Variants in BACH2 observed in about 807,000 individuals in gnomAD.
BACH2 encodes transcription regulator protein BACH2.
Under a neutral mutation model 61.8 loss-of-function variants are expected in BACH2, and 5 were observed. That is an observed-to-expected ratio of 0.08 (90% confidence interval 0.04 to 0.17). The LOEUF (loss-of-function observed/expected upper bound fraction) is 0.17, where lower values mean the gene tolerates loss of function less well. Among genes scored for constraint, BACH2 ranks in the 10% least tolerant of loss-of-function variants. The probability of loss-of-function intolerance (pLI) is 1.00; values close to 1 mark genes in which losing one functional copy is unlikely to be tolerated. For missense variants in BACH2, 824 were observed against 1,091.1 expected, an observed-to-expected ratio of 0.76 and a Z score of 3.45; for synonymous variants, 446 against 440.1, an observed-to-expected ratio of 1.01 and a Z score of -0.17.
intron 5 of BACH2, among the ~76,000 whole-genome samples, chr6:90,087,765 G>A (rs1444726058): frequency 1.3e-5 from 2 of 151,772 alleles, no homozygotes; most frequent in African/African-American, 2.4e-5. Context: ...GTATACAGTA[G>A]GTGTGTATAT....
chr6:90,025,319 A>G (rs1365534946), intron 5 of BACH2, among the ~76,000 whole-genome samples: 1 of 152,126 alleles, frequency 6.6e-6, no homozygotes, highest in South Asian at 2.1e-4. Flanking sequence ...GTAACCCCCC[A>G]GTTAAGAGTA....
chr6:90,258,970 G>C (rs1771072462), intron 2 of BACH2, among the ~76,000 whole-genome samples: 1 of 152,136 alleles, frequency 6.6e-6, no homozygotes, highest in Non-Finnish European at 1.5e-5. Flanking sequence ...GGAATCTGCA[G>C]GGGCTTTTTT....
At chr6:90,186,777 GC>G (rs1768372236) in intron 4 of BACH2, among the ~76,000 whole-genome samples, 1 of 152,130 alleles carries the variant, frequency 6.6e-6, no homozygotes, top group East Asian at 1.9e-4. Flanking sequence ...ACTCAAAAGA[GC>G]TCTGGAAGGT....
At chr6:90,244,330 C>T (rs769661510) in intron 3 of BACH2, among the ~76,000 whole-genome samples, 49 of 152,304 alleles carry the variant, frequency 3.2e-4, no homozygotes, top group Admixed American at 4.6e-4. Flanking sequence ...TCAAGGGCTT[C>T]GCATACATGT....
chr6:90,204,448 T>C (rs1020983045), intron 4 of BACH2, among the ~76,000 whole-genome samples: 1 of 152,138 alleles, frequency 6.6e-6, no homozygotes, highest in African/African-American at 2.4e-5. Context: ...TGCTGACCTA[T>C]GAAGGTGACA....
chr6:90,078,846 C>G (rs939610666), intron 5 of BACH2, among the ~76,000 whole-genome samples: 2 of 152,146 alleles, frequency 1.3e-5, no homozygotes, highest in African/African-American at 4.8e-5. Flanking sequence ...AAGCTCTCAA[C>G]TCATTGTAAC....
intron 4 of BACH2, among the ~76,000 whole-genome samples, chr6:90,113,113 T>A (rs1231169028): frequency 6.6e-6 from 1 of 152,146 alleles, no homozygotes; most frequent in Admixed American, 6.5e-5. Context: ...AGCAAGTTCT[T>A]AGAGACCTAC....
At chr6:90,270,302 C>T (rs1479715787) in intron 2 of BACH2, among the ~76,000 whole-genome samples, 1 of 152,098 alleles carries the variant, frequency 6.6e-6, no homozygotes, top group African/African-American at 2.4e-5. Flanking sequence ...GGAATCTCCA[C>T]ACTGTTTTCC....
chr6:90,013,504 CTTTTTCT>C (rs1157731976), intron 5 of BACH2, among the ~76,000 whole-genome samples: 39 of 119,446 alleles, frequency 3.3e-4, no homozygotes, highest in Non-Finnish European at 4.8e-4. Flanking sequence ...CTTTCTTTTT[CTTTTTCT>C]TTTTTTTTTT....
chr6:90,116,971 A>C, intron 4 of BACH2: 1 of 371,992 alleles, frequency 2.7e-6, no homozygotes, highest in Non-Finnish European at 5.3e-6. Flanking sequence ...AAAATGATAG[A>C]CATGGGTTGC....
chr6:90,261,810 A>C (rs1160742532), intron 2 of BACH2, among the ~76,000 whole-genome samples: 3 of 152,094 alleles, frequency 2.0e-5, no homozygotes, highest in Admixed American at 1.3e-4. Flanking sequence ...TGATGAGATC[A>C]CTCATGTAGT....
intron 2 of BACH2, among the ~76,000 whole-genome samples, chr6:90,268,426 G>A (rs1473958065): frequency 6.6e-6 from 1 of 152,106 alleles, no homozygotes; most frequent in Non-Finnish European, 1.5e-5. Context: ...TATATATTCT[G>A]TCCAACAGTG....
chr6:90,127,126 T>A (rs550222049), intron 4 of BACH2, among the ~76,000 whole-genome samples: 6 of 152,252 alleles, frequency 3.9e-5, no homozygotes, highest in Non-Finnish European at 7.3e-5. Flanking sequence ...GACTGTCTTA[T>A]GTGTTGACAC....
intron 6 of BACH2, among the ~76,000 whole-genome samples, chr6:89,969,050 CTTTTTTTTTT>C (rs76254643): frequency 2.6e-5 from 3 of 113,964 alleles, no homozygotes; most frequent in South Asian, 3.1e-4. Flanking sequence ...AAAATGTAGT[CTTTTTTTTTT>C]TTTTTTTTTT....
At chr6:90,187,381 TTTAA>T (rs1247325578) in intron 4 of BACH2, among the ~76,000 whole-genome samples, 2 of 152,256 alleles carry the variant, frequency 1.3e-5, no homozygotes, top group African/African-American at 4.8e-5. Flanking sequence ...ATATACTTAG[TTTAA>T]TTGTCTTGTT....
intron 5 of BACH2, among the ~76,000 whole-genome samples, chr6:90,051,609 A>G (rs1351041936): frequency 6.6e-6 from 1 of 152,154 alleles, no homozygotes; most frequent in African/African-American, 2.4e-5. Context: ...CACAGAACCA[A>G]CTTTTGGCTC....
intron 5 of BACH2, among the ~76,000 whole-genome samples, chr6:90,063,563 C>T (rs1183590322): frequency 6.6e-6 from 1 of 152,138 alleles, no homozygotes; most frequent in Admixed American, 6.5e-5. Context: ...GGTTTTGATA[C>T]CCACAGGTGA....
intron 6 of BACH2, among the ~76,000 whole-genome samples, chr6:89,982,850 C>T (rs549595390): frequency 7.9e-5 from 12 of 152,290 alleles, no homozygotes; most frequent in South Asian, 6.2e-4. Context: ...TTCCAAATTA[C>T]GCACAATCTC....
At chr6:90,284,396 T>A (rs1056589141) in intron 1 of BACH2, among the ~76,000 whole-genome samples, 1 of 152,320 alleles carries the variant, frequency 6.6e-6, no homozygotes, top group East Asian at 1.9e-4. Context: ...TTAACCTTCC[T>A]CTTGGAATCC....
Sources: allele counts gnomAD v4.1 joint callset (sites outside exome capture counted in the v4.1 genomes callset), GRCh38; gene constraint gnomAD v4.1.1; transcripts MANE v1.5; gene names NCBI Gene and HGNC (gene_info 2026-07-23, HGNC 2026-07-21).